The following SRGAP2 variants were observed in gnomAD, a reference collection of about 807,000 sequenced individuals.
SRGAP2 encodes SLIT-ROBO Rho GTPase-activating protein 2.
Under a neutral mutation model 57.2 loss-of-function variants are expected in SRGAP2, and 15 were observed. The ratio of observed to expected loss-of-function variants is 0.26; its 90% CI spans 0.18 to 0.40. The LOEUF (loss-of-function observed/expected upper bound fraction) is 0.40, where lower values mean the gene tolerates loss of function less well. Among genes scored for constraint, SRGAP2 ranks in the 10% least tolerant of loss-of-function variants. SRGAP2 has a pLI of 1.00. For missense variants in SRGAP2, 520 were observed against 669.6 expected, an observed-to-expected ratio of 0.78 and a Z score of 2.47; for synonymous variants, 249 against 248.0, an observed-to-expected ratio of 1.00 and a Z score of -0.04.
intron 20 of SRGAP2, chr1:206,453,849 G>A (rs529718181): frequency 4.0e-5 from 14 of 345,872 alleles, no homozygotes; most frequent in African/African-American, 6.3e-5. Flanking sequence ...GGAGAAATCC[G>A]GCTTAAGCAG....
chr1:206,263,524 T>G (rs1669696595), intron 2 of SRGAP2, among the ~76,000 whole-genome samples: 1 of 152,148 alleles, frequency 6.6e-6, no homozygotes, highest in Admixed American at 6.5e-5. Flanking sequence ...ATGGACAGAT[T>G]GCCCCTCCCT....
At position 206,462,398 on chromosome 1, in the gene SRGAP2, A is replaced by G. The variant is rs960437499; in HGVS notation, c.*978A>G. The G allele has an allele frequency of 5.2e-5, 8 of 152,570 alleles. No individual in the cohort carries two copies. Among genetic ancestry groups the G allele is most frequent in the South Asian group, 2.1e-4 (1 of 4,826 alleles). 9.5% of individuals were successfully genotyped at this position (152,570 alleles called of 1,614,324 possible). A position where few individuals can be genotyped will look rare whatever the true frequency, so the allele number is the denominator to read the frequency against. Reference sequence around the variant, plus strand: ...GTCTTAAGAGAGTTTTATTGTGTCTATGGCAGGTTTGGGAAAGGTAAGAAA... The same window carrying G: ...GTCTTAAGAGAGTTTTATTGTGTCTGTGGCAGGTTTGGGAAAGGTAAGAAA... On this transcript the variant is annotated 3_prime_UTR_variant, in exon 23 of 23. Coordinates refer to ENST00000573034, the MANE Select transcript of SRGAP2 (RefSeq NM_015326.5).
intron 2 of SRGAP2, among the ~76,000 whole-genome samples, chr1:206,295,671 C>T (rs1337519200): frequency 6.6e-6 from 1 of 150,404 alleles, no homozygotes; most frequent in Admixed American, 6.6e-5. Flanking sequence ...AACATAATTT[C>T]TGTACTATAT....
chr1:206,387,373 G>A (rs1213686698), intron 5 of SRGAP2, among the ~76,000 whole-genome samples: 1 of 146,192 alleles, frequency 6.8e-6, no homozygotes, highest in Non-Finnish European at 1.5e-5. Context: ...GTGGGAAGCT[G>A]GGACTGTTAC....
chr1:206,210,662 G>C (rs1292522111), intron 2 of SRGAP2, among the ~76,000 whole-genome samples: 1 of 148,548 alleles, frequency 6.7e-6, no homozygotes, highest in African/African-American at 2.6e-5. Flanking sequence ...CCCTTGGGAG[G>C]TCTGAGCAGT....
At chr1:206,267,187 C>T in intron 2 of SRGAP2, among the ~76,000 whole-genome samples, 1 of 152,184 alleles carries the variant, frequency 6.6e-6, no homozygotes, top group Middle Eastern at 3.4e-3. Flanking sequence ...CCAGGATGGT[C>T]TCGATCTCCT....
chr1:206,458,408 A>C, intron 21 of SRGAP2: 1 of 706,888 alleles, frequency 1.4e-6, no homozygotes, highest in Non-Finnish European at 2.6e-6. Flanking sequence ...CGTGACCACC[A>C]AGTAAGTATC....
intron 14 of SRGAP2, among the ~76,000 whole-genome samples, chr1:206,434,732 A>G (rs1661578861): frequency 6.6e-6 from 1 of 152,200 alleles, no homozygotes; most frequent in Non-Finnish European, 1.5e-5. Context: ...AGAGAGCTCC[A>G]TGTGTTCCAG....
chr1:206,377,374 A>G (rs1225470878), intron 4 of SRGAP2, among the ~76,000 whole-genome samples: 1 of 151,508 alleles, frequency 6.6e-6, no homozygotes. Context: ...GGGAGTCACT[A>G]ATACTGAAGC....
At chr1:206,309,845 AAG>A (rs1170573785) in intron 3 of SRGAP2, among the ~76,000 whole-genome samples, 3 of 151,104 alleles carry the variant, frequency 2.0e-5, no homozygotes, top group African/African-American at 4.9e-5. Context: ...AGGGAAGAGA[AAG>A]AGGAGAACAA....
chr1:206,253,573 C>CTTTTT (rs71264673), intron 2 of SRGAP2, among the ~76,000 whole-genome samples: 605 of 101,630 alleles, frequency 6.0e-3, no homozygotes, highest in East Asian at 0.011. Context: ...TTCTTTCTTT[C>CTTTTT]TTTTTTTTTT....
intron 16 of SRGAP2, 49 bp from the exon 17 acceptor site, chr1:206,439,927 T>G: frequency 1.3e-6 from 1 of 770,448 alleles, no homozygotes; most frequent in Non-Finnish European, 2.4e-6. Flanking sequence ...CATTACTGCC[T>G]GGGATCCCAG....
intron 2 of SRGAP2, among the ~76,000 whole-genome samples, chr1:206,208,708 A>G (rs1666116467): frequency 1.3e-5 from 2 of 152,152 alleles, no homozygotes; most frequent in African/African-American, 4.8e-5. Flanking sequence ...CAGAATTATT[A>G]TGAGTGTCAG....
chr1:206,229,931 T>TACAC (rs66901207), intron 2 of SRGAP2, among the ~76,000 whole-genome samples: 19,813 of 141,562 alleles, frequency 0.14, 1,470 homozygotes, highest in African/African-American at 0.18. Context: ...TACACATACA[T>TACAC]ACACACACAC....
intron 3 of SRGAP2, among the ~76,000 whole-genome samples, chr1:206,336,030 A>G (rs1159269750): frequency 3.3e-5 from 5 of 151,848 alleles, no homozygotes. Flanking sequence ...ACATGGTGCT[A>G]GTCCAGTTCT....
In SRGAP2 at chr1:206,454,672, A is replaced by T. The variant is rs567625143; in HGVS notation, c.2361-206A>T. 55 of 547,932 alleles carry T rather than the reference A, an allele frequency of 1.0e-4. No homozygotes were observed. Among genetic ancestry groups the T allele is most frequent in the African/African-American group, 9.2e-4 (48 of 52,114 alleles). The allele number at this position is 547,932 out of a possible 1,614,324, so 33.9% of individuals were successfully genotyped here. A position where few individuals can be genotyped will look rare whatever the true frequency, so the allele number is the denominator to read the frequency against. ...CTGAGGAGCCCGCAGAACTCAGCGGATTATTTATTTTTATTTAAACGACCC... is the reference window on the plus strand; with the variant it reads ...CTGAGGAGCCCGCAGAACTCAGCGGTTTATTTATTTTTATTTAAACGACCC... On this transcript the variant is annotated intron_variant, in intron 20 of 22. Coordinates refer to ENST00000573034, the MANE Select transcript of SRGAP2 (RefSeq NM_015326.5). The surrounding 1 kb of genome is among the most constrained non-coding windows in gnomAD (Gnocchi z 4.3).
At chr1:206,227,032 T>A (rs1207123015) in intron 2 of SRGAP2, among the ~76,000 whole-genome samples, 26 of 152,208 alleles carry the variant, frequency 1.7e-4, no homozygotes, top group African/African-American at 6.3e-4. Context: ...AAATGCTAAA[T>A]AGCAAGTCTG....
At chr1:206,440,382 A>T (rs1199478422) in intron 17 of SRGAP2, among the ~76,000 whole-genome samples, 2 of 152,132 alleles carry the variant, frequency 1.3e-5, no homozygotes, top group African/African-American at 2.4e-5. Context: ...GTCTGAATGA[A>T]AGGAGGGAGA....
chr1:206,460,839 A>G (rs965015309), intron 22 of SRGAP2, among the ~76,000 whole-genome samples, 198 bp from the exon 23 acceptor site: 8 of 146,996 alleles, frequency 5.4e-5, no homozygotes, highest in African/African-American at 2.0e-4. Context: ...AAAAAAAAAA[A>G]TCTCATGACA....
Sources: allele counts gnomAD v4.1 joint callset (sites outside exome capture counted in the v4.1 genomes callset), GRCh38; gene constraint gnomAD v4.1.1; non-coding constraint Gnocchi (gnomAD v3.1); transcripts MANE v1.5; gene names NCBI Gene and HGNC (gene_info 2026-07-23, HGNC 2026-07-21).